The following ESR1 variants were observed in gnomAD, a reference collection of about 807,000 sequenced individuals.
ESR1 encodes the protein estrogen receptor 1, also known as estrogen receptor.
In ESR1, 12 loss-of-function variants were observed where a neutral mutation model predicts 52.7. The ratio of observed to expected loss-of-function variants is 0.23; its 90% CI spans 0.15 to 0.37. The LOEUF (loss-of-function observed/expected upper bound fraction) is 0.37. ESR1 is among the 10% of genes least tolerant of loss of function. The pLI is 1.00. For synonymous variants in ESR1, 305 were observed against 316.8 expected (o/e 0.96, Z 0.39); for missense variants, 584 against 779.7 (o/e 0.75, Z 2.99).
chr6:152,108,250 C>G (rs1400062830), downstream of ESR1, among the ~76,000 whole-genome samples: 1 of 152,144 alleles, frequency 6.6e-6, no homozygotes, highest in Non-Finnish European at 1.5e-5. Flanking sequence ...ATCAAGTGAG[C>G]TCCCCTGTGA....
intron 3 of ESR1, among the ~76,000 whole-genome samples, chr6:151,943,451 C>A (rs2035347621): frequency 6.7e-6 from 1 of 149,230 alleles, no homozygotes. Context: ...ATAAAACAAA[C>A]TCTTTTTAGA....
At chr6:151,986,151 C>T (rs1034499588) in intron 4 of ESR1, among the ~76,000 whole-genome samples, 3 of 152,002 alleles carry the variant, frequency 2.0e-5, no homozygotes, top group African/African-American at 7.3e-5. Context: ...TGTGACTGTC[C>T]TTCTTCATCT....
chr6:151,778,621 G>C (rs530606145), intron 2 of ESR1, among the ~76,000 whole-genome samples: 1 of 151,752 alleles, frequency 6.6e-6, no homozygotes, highest in East Asian at 1.9e-4. Context: ...GGCCAGGCTG[G>C]TCTCGAACTC....
At chr6:151,752,614 T>G (rs564231837) in intron 2 of ESR1, among the ~76,000 whole-genome samples, 32 of 152,286 alleles carry the variant, frequency 2.1e-4, no homozygotes, top group African/African-American at 7.7e-4. Flanking sequence ...GCTCTTTGAC[T>G]TCTTTTCTAT....
upstream of ESR1, chr6:151,804,735 C>T (rs1777608824): frequency 6.6e-6 from 1 of 152,208 alleles, no homozygotes; most frequent in Non-Finnish European, 1.5e-5. Flanking sequence ...CCGGCCACTC[C>T]TGGCATTGTG....
At chr6:151,985,088 A>G (rs2040332772) in intron 4 of ESR1, among the ~76,000 whole-genome samples, 1 of 152,156 alleles carries the variant, frequency 6.6e-6, no homozygotes, top group Non-Finnish European at 1.5e-5. Flanking sequence ...TACTACACAA[A>G]TGAAACGTGT....
At chr6:151,710,526 G>A (rs1309097864) in intron 2 of ESR1, among the ~76,000 whole-genome samples, 1 of 151,956 alleles carries the variant, frequency 6.6e-6, no homozygotes, top group Non-Finnish European at 1.5e-5. Flanking sequence ...ACCTACAAAA[G>A]CAACAATTTA....
chr6:151,693,199 T>G lies in ESR1; in HGVS notation c.-202+2535T>G, dbSNP rs529957092. Among the ~76,000 whole-genome samples the G allele has an allele frequency of 9.2e-5, 14 of 152,330 alleles. No homozygotes were observed. The South Asian group carries it at 2.9e-3, about 32-fold the overall frequency. The stretch of plus-strand genomic sequence containing the variant: ...CATTAGAAACTCAGTATGAGGAAGT[T>G]ATTTCTATTCTAAGCCTAGCACAGT... On this transcript the variant is annotated intron_variant, in intron 1 of 2. Coordinates refer to the ESR1 transcript ENST00000404742.
chr6:151,724,869 T>C (rs1781725087), intron 2 of ESR1, among the ~76,000 whole-genome samples: 1 of 152,200 alleles, frequency 6.6e-6, no homozygotes, highest in Non-Finnish European at 1.5e-5. Context: ...CTGATGCCAA[T>C]TTATGGATCT....
At chr6:151,879,504 C>A (rs9322337) in intron 2 of ESR1, among the ~76,000 whole-genome samples, 20,443 of 151,964 alleles carry the variant, frequency 0.13, 2,472 homozygotes, top group African/African-American at 0.31. Context: ...AAGGGAGACT[C>A]TTTTATGGGA....
intron 6 of ESR1, among the ~76,000 whole-genome samples, chr6:152,073,978 A>G (rs1231095411): frequency 6.6e-6 from 1 of 152,018 alleles, no homozygotes; most frequent in African/African-American, 2.4e-5. Context: ...GAACAGATTT[A>G]GATTTGCAGC....
chr6:152,104,998 G>A (rs2051046146), downstream of ESR1, among the ~76,000 whole-genome samples: 1 of 152,166 alleles, frequency 6.6e-6, no homozygotes. Context: ...GGAGGACAGT[G>A]TTGAGAGAGC....
At chr6:152,091,640 TCCCCA>T in intron 6 of ESR1, among the ~76,000 whole-genome samples, 1 of 151,754 alleles carries the variant, frequency 6.6e-6, no homozygotes, top group African/African-American at 2.4e-5. Context: ...AAAAAGTCAC[TCCCCA>T]GAGGCCGAGT....
chr6:151,724,005 G>GT (rs1464054799), intron 2 of ESR1, among the ~76,000 whole-genome samples: 3 of 152,128 alleles, frequency 2.0e-5, no homozygotes, highest in African/African-American at 4.8e-5. Context: ...GCAAGCTGGA[G>GT]TAATACTGGA....
intron 2 of ESR1, among the ~76,000 whole-genome samples, chr6:151,873,581 T>C (rs996064564): frequency 6.6e-6 from 1 of 152,212 alleles, no homozygotes; most frequent in African/African-American, 2.4e-5. Flanking sequence ...AAAATTCACG[T>C]GCAGATTCTT....
At chr6:151,876,307 TGA>T (rs1346598179) in intron 2 of ESR1, among the ~76,000 whole-genome samples, 2 of 152,016 alleles carry the variant, frequency 1.3e-5, no homozygotes, top group Non-Finnish European at 2.9e-5. Flanking sequence ...TTGACGAGTG[TGA>T]GAGAGTCAAG....
chr6:151,764,659 GT>G (rs899472121), intron 2 of ESR1, among the ~76,000 whole-genome samples: 5 of 152,154 alleles, frequency 3.3e-5, no homozygotes, highest in Non-Finnish European at 5.9e-5. Flanking sequence ...AAACGGTTAT[GT>G]TGTTACATTC....
intron 3 of ESR1, among the ~76,000 whole-genome samples, chr6:151,913,045 CCTGCACGTT>C (rs1761174818): frequency 6.6e-6 from 1 of 151,622 alleles, no homozygotes; most frequent in South Asian, 2.1e-4. Context: ...ATGTAACAAA[CCTGCACGTT>C]CTGCACATAT....
At chr6:152,096,219 T>C (rs749177323) in intron 7 of ESR1, among the ~76,000 whole-genome samples, 8 of 152,198 alleles carry the variant, frequency 5.3e-5, no homozygotes, top group Non-Finnish European at 1.2e-4. Context: ...TCATGGGTGA[T>C]GAAGCCTACA....
Sources: allele counts gnomAD v4.1 joint callset (sites outside exome capture counted in the v4.1 genomes callset), GRCh38; gene constraint gnomAD v4.1.1; transcripts MANE v1.5; gene names NCBI Gene and HGNC (gene_info 2026-07-23, HGNC 2026-07-21).